The following CCDC180 variants were observed in gnomAD, a reference collection of about 807,000 sequenced individuals.
CCDC180 encodes coiled-coil domain containing 180, also known as coiled-coil domain-containing protein 180.
A neutral mutation model predicts 209.2 loss-of-function variants in CCDC180; 154 were observed. The observed-to-expected ratio is 0.74, with a 90% CI of 0.65 to 0.84. The LOEUF (loss-of-function observed/expected upper bound fraction) is 0.84. CCDC180 is among the 40% of genes least tolerant of loss of function. The pLI is 0.00. For missense variants in CCDC180, 1,874 were observed against 1,997.3 expected (o/e 0.94, Z 1.18); for synonymous variants, 778 against 749.1 (o/e 1.04, Z -0.63).
chr9:97,321,996 C>T (rs1321217260), intron 11 of CCDC180, among the ~76,000 whole-genome samples: 2 of 152,112 alleles, frequency 1.3e-5, no homozygotes, highest in Admixed American at 6.5e-5. Flanking sequence ...GGGCTTTATC[C>T]TGAGGGCAGT....
intron 3 of CCDC180, among the ~76,000 whole-genome samples, chr9:97,310,705 C>G (rs372653593): frequency 6.6e-6 from 1 of 152,084 alleles, no homozygotes; most frequent in East Asian, 1.9e-4. Flanking sequence ...GGGACAGACC[C>G]CTTGCTGAGT....
At chr9:97,336,189 G>C (rs1825899013) in intron 18 of CCDC180, among the ~76,000 whole-genome samples, 1 of 152,148 alleles carries the variant, frequency 6.6e-6, no homozygotes, top group Non-Finnish European at 1.5e-5. Context: ...TGTCAATTAT[G>C]GCTTTTGTTG....
chr9:97,329,794 T>C (rs1277851787), intron 16 of CCDC180, among the ~76,000 whole-genome samples: 2 of 152,004 alleles, frequency 1.3e-5, no homozygotes, highest in Non-Finnish European at 2.9e-5. Flanking sequence ...CTGGGCTGGG[T>C]GCGGTGGCTC....
At chr9:97,352,538 C>G (rs1826449083) in intron 22 of CCDC180, among the ~76,000 whole-genome samples, 1 of 152,186 alleles carries the variant, frequency 6.6e-6, no homozygotes, top group African/African-American at 2.4e-5. Flanking sequence ...GAAAGCTCTT[C>G]CCTGCATTTG....
chr9:97,326,728 C>G lies in CCDC180; in HGVS notation c.1661+59C>G. On this transcript the variant is annotated intron_variant, in intron 15 of 36. Transcript: ENST00000529487. Reference sequence around the variant, plus strand: ...ATGGTCAGGAATTCATCTTCAAGGTCAAGGGCAGCCTGCCCAAGAGCCCAG... The same window carrying G: ...ATGGTCAGGAATTCATCTTCAAGGTGAAGGGCAGCCTGCCCAAGAGCCCAG... 4 of 1,098,024 alleles carry G rather than the reference C, an allele frequency of 3.6e-6. No homozygotes were observed. The Admixed American group carries it at 5.1e-5, about 14-fold the overall frequency. The allele number at this position is 1,098,024 out of a possible 1,614,324, so 68.0% of individuals were successfully genotyped here. A position where few individuals can be genotyped will look rare whatever the true frequency, so the allele number is the denominator to read the frequency against.
rs1315037875 is a variant in CCDC180, at chr9:97,330,550, A to G, written c.2057A>G (p.Lys686Arg). The G allele has an allele frequency of 6.2e-7, 1 of 1,614,172 alleles. No homozygotes were observed. The highest frequency in any genetic ancestry group is 2.2e-5 in the East Asian group (1 of 44,884). ...CTGCATGCTAAGATGGATGAGTCCA[A>G]AGAAGGCTCTATTCAGGGACTGGAA... is the stretch of plus-strand genomic sequence containing the variant. The part of the protein sequence containing the change: ...SPLHAKMDES[K>R]EGSIQGLEEM... Residue 686 changes from lysine to arginine, a missense_variant, in exon 18 of 37, where the codon AAA (lysine) becomes AGA (arginine). Physicochemically the swap from Lys to Arg is conservative, Grantham distance 26 (BLOSUM62 2). Transcript: ENST00000529487.
In CCDC180 at chr9:97,353,000, C is replaced by T. The variant is rs577865800; in HGVS notation, c.3003-1569C>T. Among the ~76,000 whole-genome samples the T allele has an allele frequency of 1.3e-4, 19 of 149,368 alleles. 2 individuals are homozygous for T. The highest frequency in any genetic ancestry group is 3.2e-4 in the African/African-American group (13 of 40,424). ...ACATATATATATATACACATATATA[C>T]GTATATATATATTTGAGACAGAGTC... On this transcript the variant is annotated intron_variant, in intron 22 of 36. Coordinates refer to ENST00000529487, the MANE Select transcript of CCDC180 (RefSeq NM_020893.6).
intron 4 of CCDC180, among the ~76,000 whole-genome samples, chr9:97,312,931 C>CAGGAAGTGCTATGGA (rs11268681): frequency 0.62 from 93,907 of 151,850 alleles, 29,811 homozygotes; most frequent in African/African-American, 0.75. Context: ...ACCTACTATG[C>CAGGAAGTGCTATGGA]AGGAAGTGTT....
At chr9:97,335,940 G>A (rs943894215) in intron 18 of CCDC180, among the ~76,000 whole-genome samples, 27 of 152,156 alleles carry the variant, frequency 1.8e-4, no homozygotes, top group Non-Finnish European at 2.6e-4. Flanking sequence ...GATGACGAGC[G>A]TTTTTTCATG....
intron 13 of CCDC180, 173 bp downstream of exon 13, chr9:97,324,076 T>C: frequency 1.5e-6 from 1 of 679,476 alleles, no homozygotes; most frequent in East Asian, 3.3e-5. Context: ...CCAAGCTCAC[T>C]CACCGGACTC....
At chr9:97,351,796 C>A (rs1480998068) in intron 22 of CCDC180, among the ~76,000 whole-genome samples, 1 of 152,094 alleles carries the variant, frequency 6.6e-6, no homozygotes, top group Admixed American at 6.6e-5. Flanking sequence ...TCCTTTCCAC[C>A]CCTGAAGTTT....
chr9:97,345,616 T>C lies in CCDC180; in HGVS notation c.2499-1698T>C, dbSNP rs547583003. 10 of 409,764 alleles carry C rather than the reference T, an allele frequency of 2.4e-5. No individual in the cohort carries two copies. In the East Asian group the frequency reaches 6.3e-4, roughly 26 times the overall value. The allele number at this position is 409,764 out of a possible 1,614,324, so 25.4% of individuals were successfully genotyped here. ...TTATATATTCTGTAGCCGGGCATGG[T>C]GGTGTGTGCCTGTAATTCCAGCTAC... On this transcript the variant is annotated intron_variant, in intron 19 of 36. Transcript: ENST00000529487.
At chr9:97,339,563 C>T (rs1290363644) in intron 18 of CCDC180, among the ~76,000 whole-genome samples, 6 of 152,246 alleles carry the variant, frequency 3.9e-5, no homozygotes, top group Admixed American at 1.3e-4. Context: ...GTGGGTAACC[C>T]GACCTTTCTC....
Position 97,357,953 on chromosome 9 carries a change from G to C in CCDC180, c.3363+228G>C, listed in dbSNP as rs139301968. ...CCAACCCCTCCCAGGCAAGCATGGA[G>C]CAGCGTCTAGTGTTGGGGGAGGCCT... On this transcript the variant is annotated intron_variant, in intron 25 of 36. Transcript: ENST00000529487. 9.4e-4 allele frequency: 413 copies of C among 440,566 alleles called. 3 individuals are homozygous for C. The East Asian group carries it at 0.014, about 15-fold the overall frequency. 27.3% of individuals were successfully genotyped at this position (440,566 alleles called of 1,614,324 possible). A position where few individuals can be genotyped will look rare whatever the true frequency, so the allele number is the denominator to read the frequency against.
chr9:97,342,258 G>C (rs1826107894), intron 18 of CCDC180, among the ~76,000 whole-genome samples: 1 of 152,194 alleles, frequency 6.6e-6, no homozygotes, highest in African/African-American at 2.4e-5. Flanking sequence ...CTTCTGCGTT[G>C]ATCGTGCTGG....
rs369915433 is a variant in CCDC180 at position 97,326,622 on chromosome 9, G to A, written c.1614G>A (p.Ala538=). ...AGCAAAGTGACAAAGAAACACTGGC[G>A]TTTCACCTGGAAAAGGTCAAAGATT... ...LRQQSDKETL[A]FHLEKVKDYL... The change falls in exon 15 of 37, where the codon GCG becomes GCA. Residue 538 remains alanine (A), a synonymous_variant. Coordinates refer to ENST00000529487, the MANE Select transcript of CCDC180 (RefSeq NM_020893.6). 10 of 1,613,712 alleles carry A rather than the reference G, an allele frequency of 6.2e-6. No homozygotes were observed. Among genetic ancestry groups the A allele is most frequent in the East Asian group, 2.2e-5 (1 of 44,880 alleles).
chr9:97,312,257 G>A, intron 4 of CCDC180, 56 bp downstream of exon 4: 1 of 1,483,202 alleles, frequency 6.7e-7, no homozygotes, highest in Non-Finnish European at 9.4e-7. Context: ...TGAGACCTGG[G>A]CAGGAGGTGG....
intron 28 of CCDC180, chr9:97,363,463 A>G (rs985679314): frequency 3.7e-5 from 12 of 321,310 alleles, no homozygotes; most frequent in Non-Finnish European, 4.2e-5. Context: ...TATTTTTTAT[A>G]TGATCCAGCC....
chr9:97,335,909 T>C (rs1825889967), intron 18 of CCDC180, among the ~76,000 whole-genome samples: 1 of 152,240 alleles, frequency 6.6e-6, no homozygotes, highest in Admixed American at 6.5e-5. Flanking sequence ...GGTTTTGATT[T>C]GCATTTCTCT....
Sources: allele counts gnomAD v4.1 joint callset (sites outside exome capture counted in the v4.1 genomes callset), GRCh38; gene constraint gnomAD v4.1.1; transcripts MANE v1.5; gene names NCBI Gene and HGNC (gene_info 2026-07-23, HGNC 2026-07-21).